PPM1H: variants seen among roughly 807,000 people sequenced by gnomAD.
PPM1H encodes protein phosphatase 1H.
In PPM1H, 27 loss-of-function variants were observed where a neutral mutation model predicts 54.9. The observed-to-expected ratio is 0.49, with a 90% CI of 0.36 to 0.68. PPM1H has a LOEUF of 0.68. PPM1H is among the 30% of genes least tolerant of loss of function. The pLI is 0.00. For synonymous variants in PPM1H, 305 were observed against 270.8 expected, an observed-to-expected ratio of 1.13 and a Z score of -1.24; for missense variants, 596 against 667.8, an observed-to-expected ratio of 0.89 and a Z score of 1.19.
intron 2 of PPM1H, among the ~76,000 whole-genome samples, chr12:62,829,290 T>A (rs931454997): frequency 6.6e-6 from 1 of 152,200 alleles, no homozygotes; most frequent in Admixed American, 6.5e-5. Flanking sequence ...ATTCTACTTA[T>A]GTGAGGTACC....
intron 1 of PPM1H, among the ~76,000 whole-genome samples, chr12:62,885,325 G>A (rs1358819162): frequency 5.9e-5 from 9 of 152,106 alleles, no homozygotes; most frequent in African/African-American, 2.2e-4. Flanking sequence ...AGGACACCTG[G>A]CTCCTTCCTT....
At chr12:62,841,000 G>C (rs1487377809) in intron 1 of PPM1H, among the ~76,000 whole-genome samples, 1 of 152,016 alleles carries the variant, frequency 6.6e-6, no homozygotes, top group Admixed American at 6.6e-5. Flanking sequence ...CGAATGAACC[G>C]AGAAGTCCCA....
intron 2 of PPM1H, among the ~76,000 whole-genome samples, chr12:62,805,691 T>C (rs141666134): frequency 1.2e-3 from 183 of 152,250 alleles, no homozygotes; most frequent in Non-Finnish European, 1.8e-3. Context: ...TGCCAGGGGC[T>C]GGGGTTGAGG....
At chr12:62,738,864 G>C (rs1471140167) in intron 4 of PPM1H, among the ~76,000 whole-genome samples, 1 of 152,060 alleles carries the variant, frequency 6.6e-6, no homozygotes. Flanking sequence ...TCCCAGTGCA[G>C]AGGCAGTTCC....
At chr12:62,927,706 C>T (rs985034363) in intron 1 of PPM1H, among the ~76,000 whole-genome samples, 5 of 150,620 alleles carry the variant, frequency 3.3e-5, no homozygotes, top group East Asian at 1.9e-4. Flanking sequence ...AAATAATATA[C>T]GTTGAAGAGG....
chr12:62,850,672 AAT>A (rs1869147158), intron 1 of PPM1H: 1 of 148,286 alleles, frequency 6.7e-6, no homozygotes, highest in Non-Finnish European at 1.5e-5. Context: ...TATTATATAA[AAT>A]ATATATTCTA....
At chr12:62,886,951 A>G (rs1592655300) in intron 1 of PPM1H, among the ~76,000 whole-genome samples, 1 of 152,330 alleles carries the variant, frequency 6.6e-6, no homozygotes, top group African/African-American at 2.4e-5. Context: ...CGATGGGAAG[A>G]CCAGCCTGCC....
chr12:62,659,365 G>C (rs886941249), intron 9 of PPM1H: 7 of 435,454 alleles, frequency 1.6e-5, no homozygotes, highest in African/African-American at 8.2e-5. Flanking sequence ...CCTTTGTTGA[G>C]ACAGTTCAAA....
intron 8 of PPM1H, among the ~76,000 whole-genome samples, chr12:62,683,627 A>G (rs1198689966): frequency 6.6e-6 from 1 of 152,198 alleles, no homozygotes; most frequent in African/African-American, 2.4e-5. Context: ...TAACCAAGGA[A>G]AGGAAAAATG....
intron 7 of PPM1H, among the ~76,000 whole-genome samples, chr12:62,691,645 A>G (rs2076083322): frequency 6.6e-6 from 1 of 152,020 alleles, no homozygotes; most frequent in Non-Finnish European, 1.5e-5. Flanking sequence ...GCAATGTGGT[A>G]AAACCTCCTG....
intron 8 of PPM1H, among the ~76,000 whole-genome samples, chr12:62,674,871 T>A (rs1285811358): frequency 6.6e-6 from 1 of 151,980 alleles, no homozygotes; most frequent in Non-Finnish European, 1.5e-5. Context: ...CCCTGGGGAG[T>A]GGGGAGGGTG....
At chr12:62,847,657 G>A (rs1410694837) in intron 1 of PPM1H, among the ~76,000 whole-genome samples, 1 of 152,112 alleles carries the variant, frequency 6.6e-6, no homozygotes, top group Non-Finnish European at 1.5e-5. Context: ...AAGCCAGTGA[G>A]GTAAACATCT....
intron 1 of PPM1H, among the ~76,000 whole-genome samples, chr12:62,861,046 G>A (rs1227817387): frequency 2.6e-5 from 4 of 152,152 alleles, no homozygotes; most frequent in African/African-American, 9.7e-5. Context: ...CCTGCCTAAT[G>A]GCAACAAAAT....
rs1017633971 is a variant in PPM1H, at chr12:62,777,356, G to A, written c.869+10870C>T. On this transcript the variant is annotated intron_variant, in intron 4 of 9. Transcript: ENST00000228705. ...GCCTGACTGCCTGCCTACCTGGGCT[G>A]ACTACAAGTAGAAGAGGACAGAGAC... Among the ~76,000 whole-genome samples the A allele has an allele frequency of 2.6e-5, 4 of 152,192 alleles. No homozygotes were observed. In the East Asian group the frequency reaches 7.7e-4, roughly 29 times the overall value.
At chr12:62,817,137 G>GAA (rs748440124) in intron 2 of PPM1H, among the ~76,000 whole-genome samples, 40 of 67,336 alleles carry the variant, frequency 5.9e-4, no homozygotes, top group African/African-American at 2.4e-3. Flanking sequence ...AAAAAAAAAA[G>GAA]AAAAAAAAAA....
At chr12:62,840,092 A>AGAGAGAGAGAGAGAGAGAG (rs1868686050) in intron 1 of PPM1H, 4 of 143,378 alleles carry the variant, frequency 2.8e-5, no homozygotes, top group Non-Finnish European at 3.0e-5. Flanking sequence ...AGAGCGAGAG[A>AGAGAGAGAGAGAGAGAGAG]AATAAAAAAC....
At position 62,934,691 on chromosome 12, in the gene PPM1H, T is replaced by G; in HGVS notation, c.46A>C (p.Ile16Leu). Residue 16 changes from isoleucine to leucine, a missense_variant, in exon 1 of 10, where the codon ATC (isoleucine) becomes CTC (leucine). Ile to Leu is a conservative substitution (Grantham distance 5). Transcript: ENST00000228705. This position sits in a 1 kb window ranked among gnomAD's most constrained non-coding sequence, Gnocchi z 4.2. Reference sequence around the variant, plus strand: ...TCGGAGCCTGAGCTGCCAGCCATGATGCCGCCCATGAAATTGGCCACGGCA... The same window carrying G: ...TCGGAGCCTGAGCTGCCAGCCATGAGGCCGCCCATGAAATTGGCCACGGCA... ...KSAVANFMGG[I>L]MAGSSGSEHG... 1.9e-6 allele frequency: 3 copies of G among 1,607,324 alleles called. No individual in the cohort carries two copies. Among genetic ancestry groups the G allele is most frequent in the Admixed American group, 1.7e-5 (1 of 59,680 alleles).
At chr12:62,695,915 G>A (rs1363063800) in intron 6 of PPM1H, among the ~76,000 whole-genome samples, 1 of 152,176 alleles carries the variant, frequency 6.6e-6, no homozygotes, top group Non-Finnish European at 1.5e-5. Flanking sequence ...GGCCCGCACA[G>A]AGAGGATGCA....
intron 4 of PPM1H, among the ~76,000 whole-genome samples, chr12:62,766,421 A>C (rs1281741305): frequency 6.9e-6 from 1 of 145,588 alleles, no homozygotes; most frequent in East Asian, 1.9e-4. Context: ...GGTAGGAATT[A>C]AGTTAATACA....
Sources: allele counts gnomAD v4.1 joint callset (sites outside exome capture counted in the v4.1 genomes callset), GRCh38; gene constraint gnomAD v4.1.1; non-coding constraint Gnocchi (gnomAD v3.1); transcripts MANE v1.5; gene names NCBI Gene and HGNC (gene_info 2026-07-23, HGNC 2026-07-21).